GLRA1: variants seen among roughly 807,000 people sequenced by gnomAD.
The protein encoded by GLRA1 is glycine receptor alpha 1.
GLRA1 carries 37 observed loss-of-function variants against 48.3 expected under a neutral mutation model. The observed-to-expected ratio is 0.77, with a 90% CI of 0.59 to 1.01. The LOEUF is 1.01. GLRA1 is among the 50% of genes least tolerant of loss of function. The pLI is 0.00. For synonymous variants in GLRA1, 196 were observed against 210.7 expected (o/e 0.93, Z 0.60); for missense variants, 427 against 571.0 (o/e 0.75, Z 2.57).
intron 3 of GLRA1, among the ~76,000 whole-genome samples, chr5:151,877,096 T>C (rs923539340): frequency 6.6e-6 from 1 of 152,160 alleles, no homozygotes; most frequent in Non-Finnish European, 1.5e-5. Flanking sequence ...CAAAATAATT[T>C]TCTGTTGTTG....
intron 7 of GLRA1, among the ~76,000 whole-genome samples, chr5:151,839,914 G>A (rs1187495551): frequency 2.0e-5 from 3 of 152,062 alleles, no homozygotes. Flanking sequence ...CAAATCTGTG[G>A]CATTTCTTTT....
intron 8 of GLRA1, among the ~76,000 whole-genome samples, chr5:151,823,280 C>T (rs1043671897): frequency 2.0e-5 from 3 of 152,100 alleles, no homozygotes; most frequent in Non-Finnish European, 2.9e-5. Context: ...CTGTGAGTCT[C>T]GGGGATTTTT....
At chr5:151,846,206 G>A (rs1320477833) in intron 7 of GLRA1, among the ~76,000 whole-genome samples, 1 of 152,176 alleles carries the variant, frequency 6.6e-6, no homozygotes, top group Non-Finnish European at 1.5e-5. Flanking sequence ...TAAATCTAAT[G>A]CTTAAAAAGG....
intron 7 of GLRA1, among the ~76,000 whole-genome samples, chr5:151,849,386 C>CTTTCG (rs1752818102): frequency 1.7e-4 from 5 of 28,764 alleles, no homozygotes; most frequent in Admixed American, 5.4e-4. Flanking sequence ...GTTTCCTTTC[C>CTTTCG]TTTCCTTTCC....
chr5:151,880,206 G>C (rs1326652132), intron 3 of GLRA1, among the ~76,000 whole-genome samples: 2 of 152,150 alleles, frequency 1.3e-5, no homozygotes, highest in Non-Finnish European at 2.9e-5. Context: ...CTTTGCTTTG[G>C]CTGACTAGTT....
chr5:151,886,934 C>T, intron 2 of GLRA1, 146 bp from the exon 3 acceptor site: 1 of 704,116 alleles, frequency 1.4e-6, no homozygotes, highest in Non-Finnish European at 2.6e-6. Context: ...CCCCAAGCAC[C>T]TGGGATTCCC....
chr5:151,914,274 CA>C (rs1754686280), intron 1 of GLRA1, among the ~76,000 whole-genome samples: 1 of 152,148 alleles, frequency 6.6e-6, no homozygotes. Flanking sequence ...CAGGCCATGT[CA>C]GGGGTGATGC....
At chr5:151,917,596 T>C (rs767103497) in intron 1 of GLRA1, among the ~76,000 whole-genome samples, 1 of 152,234 alleles carries the variant, frequency 6.6e-6, no homozygotes, top group Non-Finnish European at 1.5e-5. Flanking sequence ...CTCTTTTATA[T>C]ATTTGTTATT....
intron 8 of GLRA1, 119 bp downstream of exon 8, chr5:151,828,802 A>T: frequency 9.4e-7 from 1 of 1,066,050 alleles, no homozygotes; most frequent in Non-Finnish European, 1.4e-6. Context: ...CCTATTTCTA[A>T]CCTGCCTTGC....
intron 8 of GLRA1, among the ~76,000 whole-genome samples, chr5:151,826,068 G>A (rs1445452316): frequency 6.6e-6 from 1 of 152,222 alleles, no homozygotes; most frequent in Non-Finnish European, 1.5e-5. Flanking sequence ...CATAGAAGGA[G>A]GCAGGCAGGA....
Position 151,859,819 on chromosome 5 carries a change from T to C in GLRA1, c.442A>G (p.Ile148Val). ...EITTDNKLLR[I>V]SRNGNVLYSI... ...TAGAGGACATTCCCATTCCGGGAGA[T>C]CCTTAGCAATTTGTTGTCTGTGGTG... The change falls in exon 4 of 9, where the codon ATC becomes GTC. Residue 148 changes from isoleucine (I) to valine (V), a missense_variant. By Grantham distance (29) the Ile-to-Val change is conservative. Around this residue, in one of 4 missense-constraint regions of GLRA1, gnomAD observed 271 missense variants for 434.9 expected, o/e 0.62. Transcript: ENST00000274576. The C allele has an allele frequency of 6.2e-7, 1 of 1,613,934 alleles. No homozygotes were observed. The highest frequency in any genetic ancestry group is 8.5e-7 in the Non-Finnish European group (1 of 1,179,884).
intron 3 of GLRA1, among the ~76,000 whole-genome samples, chr5:151,878,514 C>A (rs963777177): frequency 2.6e-5 from 4 of 152,174 alleles, no homozygotes; most frequent in African/African-American, 9.7e-5. Flanking sequence ...GGGAAAATGT[C>A]TCCGGAGCAT....
intron 1 of GLRA1, among the ~76,000 whole-genome samples, chr5:151,911,089 C>G (rs1490118219): frequency 6.6e-6 from 1 of 152,298 alleles, no homozygotes; most frequent in South Asian, 2.1e-4. Context: ...CTGGGCTGAG[C>G]CAACATAACA....
intron 8 of GLRA1, 78 bp from the exon 9 acceptor site, chr5:151,823,041 G>A: frequency 7.7e-7 from 1 of 1,307,182 alleles, no homozygotes; most frequent in South Asian, 1.5e-5. Context: ...ACTCCCTTGG[G>A]GGCCAGGCCA....
intron 5 of GLRA1, among the ~76,000 whole-genome samples, 171 bp downstream of exon 5, chr5:151,856,124 AGGGAAG>A (rs534732180): frequency 1.5e-3 from 236 of 152,374 alleles, no homozygotes; most frequent in African/African-American, 5.5e-3. Context: ...AGGCAATGTA[AGGGAAG>A]TTATATTTCT....
In GLRA1 at chr5:151,829,329, T is replaced by C. The variant is rs7733241; in HGVS notation, c.913-262A>G. On this transcript the variant is annotated intron_variant, in intron 7 of 8. Transcript: ENST00000274576. ...GACAATGGTATATTTAGCATTATCATTTAGAACAGAATGCTGTCTTTCATT... is the reference window on the plus strand; with the variant it reads ...GACAATGGTATATTTAGCATTATCACTTAGAACAGAATGCTGTCTTTCATT... Among the ~76,000 whole-genome samples, 70,837 of 152,034 alleles carry C rather than the reference T, an allele frequency of 0.47. 17,281 individuals are homozygous for C. The highest frequency in any genetic ancestry group is 0.62 in the African/African-American group (25,746 of 41,464).
intron 1 of GLRA1, among the ~76,000 whole-genome samples, chr5:151,900,491 C>T (rs761009104): frequency 1.4e-4 from 22 of 151,892 alleles, no homozygotes; most frequent in African/African-American, 5.1e-4. Context: ...AATGTGGACT[C>T]TGAATTGCAC....
intron 3 of GLRA1, among the ~76,000 whole-genome samples, chr5:151,866,639 C>T (rs569732457): frequency 7.2e-5 from 11 of 152,186 alleles, no homozygotes; most frequent in East Asian, 1.9e-4. Flanking sequence ...TATCTCATCT[C>T]GAAACTCAAT....
intron 1 of GLRA1, among the ~76,000 whole-genome samples, chr5:151,913,854 A>G (rs1400397959): frequency 2.0e-5 from 3 of 152,214 alleles, no homozygotes; most frequent in Non-Finnish European, 4.4e-5. Flanking sequence ...TGAAGGTTAC[A>G]TGGGTTAAGT....
Sources: gnomAD v4.1 joint callset for allele counts (sites outside exome capture counted in the v4.1 genomes callset) on GRCh38, gnomAD v4.1.1 for gene constraint, gnomAD v4.1.1 regional missense constraint, MANE v1.5 for transcripts, NCBI Gene and HGNC (gene_info 2026-07-23, HGNC 2026-07-21) for gene names.